Variants in SLIT2 observed in about 807,000 individuals in gnomAD.
The protein encoded by SLIT2 is slit homolog 2 protein.
Under a neutral mutation model 185.7 loss-of-function variants are expected in SLIT2, and 41 were observed. The observed-to-expected ratio is 0.22, with a 90% CI of 0.17 to 0.29. SLIT2 has a LOEUF of 0.29. Among genes scored for constraint, SLIT2 ranks in the 10% least tolerant of loss-of-function variants. The pLI is 1.00. For missense variants in SLIT2, 1,571 were observed against 1,909.0 expected (o/e 0.82, Z 3.30); for synonymous variants, 693 against 680.2 (o/e 1.02, Z -0.29).
At chr4:20,483,964 T>C (rs1270778635) in intron 6 of SLIT2, among the ~76,000 whole-genome samples, 1 of 152,046 alleles carries the variant, frequency 6.6e-6, no homozygotes, top group Non-Finnish European at 1.5e-5. Context: ...AGTCATTGAG[T>C]ATCAGTATCA....
chr4:20,582,004 C>A (rs775668377), intron 29 of SLIT2, among the ~76,000 whole-genome samples: 5 of 152,222 alleles, frequency 3.3e-5, no homozygotes, highest in South Asian at 2.1e-4. Context: ...GCCTTGGCCT[C>A]CCAAAGTGCT....
rs148796889 is a variant in SLIT2, at chr4:20,454,933, T to C, written c.396-12819T>C. On this transcript the variant is annotated intron_variant, in intron 4 of 36. Transcript: ENST00000504154. ...ACCTTTTAAAAATCTTTAGAACAAA[T>C]AAGAAGCAAAGACATGCCAATTTAA... Among the ~76,000 whole-genome samples, 10 of 152,062 alleles carry C rather than the reference T, an allele frequency of 6.6e-5. No individual in the cohort carries two copies. In the East Asian group the frequency reaches 1.4e-3, roughly 21 times the overall value.
intron 4 of SLIT2, among the ~76,000 whole-genome samples, chr4:20,377,033 A>T (rs1724078944): frequency 6.6e-6 from 1 of 151,870 alleles, no homozygotes; most frequent in Admixed American, 6.6e-5. Context: ...TAAAAAAAGT[A>T]AAAAAAATAA....
At chr4:20,580,965 A>G (rs1340293442) in intron 29 of SLIT2, among the ~76,000 whole-genome samples, 2 of 152,182 alleles carry the variant, frequency 1.3e-5, no homozygotes, top group Admixed American at 6.5e-5. Context: ...AAAAAGAAAA[A>G]GAAAAAGGAA....
chr4:20,552,667 C>T (rs544723563), intron 25 of SLIT2: 7 of 152,030 alleles, frequency 4.6e-5, no homozygotes, highest in Admixed American at 6.6e-5. Context: ...GATTCTTAAA[C>T]GGGGCATTAA....
intron 4 of SLIT2, among the ~76,000 whole-genome samples, chr4:20,428,926 G>A (rs1728758430): frequency 6.6e-6 from 1 of 152,186 alleles, no homozygotes; most frequent in Non-Finnish European, 1.5e-5. Context: ...GGATTAGGAG[G>A]GCCTGTGGCC....
In SLIT2 at chr4:20,412,367, T is replaced by C. The variant is rs189314986; in HGVS notation, c.396-55385T>C. ...TGATTTATTCTCTTAACTCATTAAG[T>C]GTAGTTTAGTGTAAATTAATCATCT... On this transcript the variant is annotated intron_variant, in intron 4 of 36. Transcript: ENST00000504154. Among the ~76,000 whole-genome samples the C allele has an allele frequency of 7.3e-4, 111 of 152,328 alleles. 2 individuals are homozygous for C. In the East Asian group the frequency reaches 0.021, roughly 29 times the overall value.
At chr4:20,477,111 T>C (rs550206011) in intron 5 of SLIT2, among the ~76,000 whole-genome samples, 1 of 148,722 alleles carries the variant, frequency 6.7e-6, no homozygotes, top group South Asian at 2.1e-4. Context: ...CAAAATGAAC[T>C]ATCTAGAGTT....
intron 2 of SLIT2, 69 bp from the exon 3 acceptor site, chr4:20,257,798 GT>G: frequency 1.2e-6 from 1 of 800,816 alleles, no homozygotes; most frequent in Non-Finnish European, 2.2e-6. Flanking sequence ...CAAGTTTTCA[GT>G]TGCTGAATTG....
rs1249674977 is a variant in SLIT2, at chr4:20,484,730, C to G, written c.540-1470C>G. ...TTTTAATTAGTTGCCACTATTTAAA[C>G]ATTAGAAAGATCTAAAAATTTTTAT... is the stretch of plus-strand genomic sequence containing the variant. On this transcript the variant is annotated intron_variant, in intron 6 of 36. Coordinates refer to ENST00000504154, the MANE Select transcript of SLIT2 (RefSeq NM_004787.4). The surrounding 1 kb of genome is among the most constrained non-coding windows in gnomAD (Gnocchi z 4.3). Among the ~76,000 whole-genome samples, 1 of 152,114 alleles carries G rather than the reference C, an allele frequency of 6.6e-6. No individual in the cohort carries two copies. The highest frequency in any genetic ancestry group is 1.5e-5 in the Non-Finnish European group (1 of 68,006).
In SLIT2 at chr4:20,557,780, T is replaced by C. The variant is rs916797708; in HGVS notation, c.2725+3812T>C. 2.0e-5 allele frequency among the ~76,000 whole-genome samples: 3 copies of C among 152,084 alleles called. No homozygotes were observed. In the East Asian group the frequency reaches 5.8e-4, roughly 29 times the overall value. ...TAAATTGAAATCCTTCTGGAAAAGA[T>C]TCACCATTCTAGATGACATTAAGAA... On this transcript the variant is annotated intron_variant, in intron 26 of 36. Transcript: ENST00000504154.
intron 4 of SLIT2, among the ~76,000 whole-genome samples, chr4:20,290,561 C>T (rs1715699476): frequency 6.6e-6 from 1 of 152,076 alleles, no homozygotes; most frequent in South Asian, 2.1e-4. Flanking sequence ...ACCAGTGTCC[C>T]ATGGATACCA....
intron 2 of SLIT2, 84 bp downstream of exon 2, chr4:20,256,827 C>T (rs558933566): frequency 3.1e-6 from 2 of 636,966 alleles, no homozygotes; most frequent in Non-Finnish European, 5.6e-6. Context: ...TATGACTATT[C>T]TGATGACAGT....
chr4:20,356,834 G>T (rs1722365225), intron 4 of SLIT2, among the ~76,000 whole-genome samples: 1 of 151,982 alleles, frequency 6.6e-6, no homozygotes, highest in African/African-American at 2.4e-5. Flanking sequence ...ATACCTCCCA[G>T]CCCAGGGCTT....
At chr4:20,310,954 A>T (rs1355093357) in intron 4 of SLIT2, among the ~76,000 whole-genome samples, 3 of 152,146 alleles carry the variant, frequency 2.0e-5, no homozygotes, top group African/African-American at 7.2e-5. Context: ...GTGCAATCAT[A>T]GCTCATTATA....
At chr4:20,296,607 A>G (rs1716511666) in intron 4 of SLIT2, among the ~76,000 whole-genome samples, 1 of 152,190 alleles carries the variant, frequency 6.6e-6, no homozygotes, top group Non-Finnish European at 1.5e-5. Flanking sequence ...CTCAGGAAGT[A>G]ACCACCTTCC....
At chr4:20,402,632 G>A (rs1391060148) in intron 4 of SLIT2, among the ~76,000 whole-genome samples, 6 of 151,768 alleles carry the variant, frequency 4.0e-5, no homozygotes. Flanking sequence ...ATTTTAACAT[G>A]TGCATTACCC....
intron 4 of SLIT2, among the ~76,000 whole-genome samples, chr4:20,453,532 C>G (rs560976962): frequency 5.9e-5 from 9 of 152,222 alleles, no homozygotes; most frequent in African/African-American, 2.2e-4. Flanking sequence ...ATTTTCCCAG[C>G]AGCCCTATGA....
intron 21 of SLIT2, among the ~76,000 whole-genome samples, chr4:20,543,285 C>A (rs1023394613): frequency 1.3e-5 from 2 of 152,066 alleles, no homozygotes; most frequent in African/African-American, 4.8e-5. Context: ...AATTATATGG[C>A]CAGGATATAC....
Sources: allele counts gnomAD v4.1 joint callset (sites outside exome capture counted in the v4.1 genomes callset), GRCh38; gene constraint gnomAD v4.1.1; non-coding constraint Gnocchi (gnomAD v3.1); transcripts MANE v1.5; gene names NCBI Gene and HGNC (gene_info 2026-07-23, HGNC 2026-07-21).